Variants in COL4A5 observed in about 807,000 individuals in gnomAD.
The protein encoded by COL4A5 is collagen type IV alpha 5 chain, also known as collagen alpha-5(IV) chain.
A neutral mutation model predicts 130.2 loss-of-function variants in COL4A5; 26 were observed. The ratio of observed to expected loss-of-function variants is 0.20; its 90% CI spans 0.15 to 0.28. The LOEUF (loss-of-function observed/expected upper bound fraction) is 0.28, where lower values mean the gene tolerates loss of function less well. Ranked by LOEUF, COL4A5 falls within the 10% of genes least tolerant of loss-of-function variation. The probability of loss-of-function intolerance (pLI) is 1.00; values close to 1 mark genes in which losing one functional copy is unlikely to be tolerated. For missense variants in COL4A5, 1,131 were observed against 1,344.3 expected, an observed-to-expected ratio of 0.84 and a Z score of 2.48; for synonymous variants, 496 against 439.6, an observed-to-expected ratio of 1.13 and a Z score of -1.60.
intron 1 of COL4A5, among the ~76,000 whole-genome samples, chrX:108,467,462 A>T (rs909282395): frequency 9.0e-6 from 1 of 111,428 alleles, no homozygotes; most frequent in Non-Finnish European, 1.9e-5. Context: ...TACTTTTTCC[A>T]GATTGTTTTG....
In COL4A5 at chrX:108,439,853, G is replaced by A. The variant is rs934625092; in HGVS notation, c.-273G>A. 27 of 379,641 alleles carry A rather than the reference G, an allele frequency of 7.1e-5. No individual in the cohort carries two copies. The highest frequency in any genetic ancestry group is 1.1e-4 in the Non-Finnish European group (24 of 218,977). The allele number at this position is 379,641 out of a possible 1,213,427, so 31.3% of individuals were successfully genotyped here. On this transcript the variant is annotated 5_prime_UTR_variant, in exon 1 of 53. Coordinates refer to ENST00000328300, the MANE Select transcript of COL4A5 (RefSeq NM_033380.3). ...GGAGGAAAGTAGATCTGTAGGAATT[G>A]AGTGAAGAAAAAGTTTGCAAGTCTG... is the stretch of plus-strand genomic sequence containing the variant.
chrX:108,603,075 T>C lies in COL4A5; in HGVS notation c.2244+14T>C, dbSNP rs1001931929. 2 of 1,048,149 alleles carry C rather than the reference T, an allele frequency of 1.9e-6. No individual in the cohort carries two copies. The highest frequency in any genetic ancestry group is 2.6e-6 in the Non-Finnish European group (2 of 758,666). The allele number at this position is 1,048,149 out of a possible 1,213,427, so 86.4% of individuals were successfully genotyped here. A position where few individuals can be genotyped will look rare whatever the true frequency, so the allele number is the denominator to read the frequency against. ...CCAGGACCAAAGGTCTGGGACATTT[T>C]TCTTTATTCCTTCTCATTTTCTTAT... On this transcript the variant is annotated intron_variant, in intron 28 of 52. Transcript: ENST00000328300.
rs193078467 is a variant in COL4A5 at position 108,598,398 on chromosome X, T to A, written c.1780-304T>A. 2.7e-5 allele frequency among the ~76,000 whole-genome samples: 3 copies of A among 111,845 alleles called. No individual in the cohort carries two copies. In the Admixed American group the frequency reaches 2.8e-4, roughly 11 times the overall value. ...TTAGGTAGGAAGTGATATTTTATAA[T>A]GTTATCTAGACTATAACCTTTCTGA... On this transcript the variant is annotated intron_variant, in intron 24 of 52. Coordinates refer to ENST00000328300, the MANE Select transcript of COL4A5 (RefSeq NM_033380.3).
intron 2 of COL4A5, among the ~76,000 whole-genome samples, chrX:108,555,080 A>G (rs1219395854): frequency 8.9e-6 from 1 of 112,322 alleles, no homozygotes; most frequent in Non-Finnish European, 1.9e-5. Context: ...GATGAGATCA[A>G]GTTAACCAGT....
intron 16 of COL4A5, among the ~76,000 whole-genome samples, chrX:108,582,037 AAGAC>A (rs1490279857): frequency 9.0e-6 from 1 of 110,845 alleles, no homozygotes; most frequent in Non-Finnish European, 1.9e-5. Context: ...GAGTTTTTCA[AAGAC>A]AGAGAGAATA....
intron 2 of COL4A5, among the ~76,000 whole-genome samples, chrX:108,557,935 A>ATG (rs2065846956): frequency 1.8e-5 from 2 of 108,293 alleles, no homozygotes; most frequent in Non-Finnish European, 3.8e-5. Context: ...ATATATATAT[A>ATG]TATTTTGTAC....
At chrX:108,616,234 T>C (rs1029126325) in intron 30 of COL4A5, among the ~76,000 whole-genome samples, 1 of 110,021 alleles carries the variant, frequency 9.1e-6, no homozygotes, top group Non-Finnish European at 1.9e-5. Context: ...TTGTTGTTGT[T>C]GTTGTTTTTG....
intron 43 of COL4A5, among the ~76,000 whole-genome samples, chrX:108,675,080 T>C (rs1409622015): frequency 8.9e-6 from 1 of 111,735 alleles, no homozygotes; most frequent in Non-Finnish European, 1.9e-5. Flanking sequence ...TTGTAATCTC[T>C]GAATGTTGAT....
chrX:108,545,686 T>C (rs1209995495), intron 2 of COL4A5, among the ~76,000 whole-genome samples: 1 of 110,968 alleles, frequency 9.0e-6, no homozygotes, highest in Admixed American at 9.6e-5. Context: ...TCTTGTTGAT[T>C]TGTTTAATGT....
chrX:108,655,262 AATGTT>A (rs1007574228), intron 36 of COL4A5, 64 bp from the exon 37 acceptor site: 1 of 1,130,090 alleles, frequency 8.8e-7, no homozygotes, highest in African/African-American at 1.8e-5. Context: ...CTCTATAAAT[AATGTT>A]ATGTTCTTAT....
chrX:108,554,974 CAT>C (rs984581188), intron 2 of COL4A5, among the ~76,000 whole-genome samples: 5 of 112,535 alleles, frequency 4.4e-5, no homozygotes, highest in Admixed American at 1.9e-4. Flanking sequence ...GCTTTTAAAA[CAT>C]ATGTTTTTAA....
At position 108,662,759 on chromosome X, in the gene COL4A5, A is replaced by G. The variant is rs140265159; in HGVS notation, c.3374-2748A>G. Among the ~76,000 whole-genome samples, 177 of 112,313 alleles carry G rather than the reference A, an allele frequency of 1.6e-3. 1 individual carries two copies. In the East Asian group the frequency reaches 0.045, roughly 28 times the overall value. On this transcript the variant is annotated intron_variant, in intron 37 of 52. Transcript: ENST00000328300. Reference sequence around the variant, plus strand: ...CCATGCTCATGGATAGAAAGAATCAATATCATGAAAATGGCCATACTGCCC... The same window carrying G: ...CCATGCTCATGGATAGAAAGAATCAGTATCATGAAAATGGCCATACTGCCC...
chrX:108,622,289 C>T (rs761345423), intron 32 of COL4A5, among the ~76,000 whole-genome samples: 330 of 110,748 alleles, frequency 3.0e-3, no homozygotes, highest in African/African-American at 0.01. Flanking sequence ...CCACCACGCC[C>T]GGCTAATATT....
intron 43 of COL4A5, among the ~76,000 whole-genome samples, chrX:108,675,524 G>GT (rs959190127): frequency 6.3e-5 from 7 of 111,508 alleles, no homozygotes; most frequent in Middle Eastern, 4.6e-3. Flanking sequence ...CTGAAGTTCT[G>GT]TTTTTTTATT....
chrX:108,560,711 G>GTA (rs1387138975), intron 3 of COL4A5, among the ~76,000 whole-genome samples: 1 of 112,179 alleles, frequency 8.9e-6, no homozygotes, highest in Non-Finnish European at 1.9e-5. Context: ...TATTATGTAT[G>GTA]TTACATTGGT....
At chrX:108,563,711 T>C (rs1205010319) in intron 3 of COL4A5, among the ~76,000 whole-genome samples, 171 bp from the exon 4 acceptor site, 3 of 111,897 alleles carry the variant, frequency 2.7e-5, no homozygotes, top group African/African-American at 9.7e-5. Flanking sequence ...TCATACAATT[T>C]ACCTCAGTGC....
chrX:108,631,314 G>A lies in COL4A5; in HGVS notation c.3246+4965G>A, dbSNP rs56907839. ...ATGGAATGTTCTTCTATTTGTTTGT[G>A]TCCTCTTTCATTTCGTTGAGCAGTG... On this transcript the variant is annotated intron_variant, in intron 36 of 52. Transcript: ENST00000328300. Among the ~76,000 whole-genome samples the A allele has an allele frequency of 2.1e-3, 231 of 111,430 alleles. 2 individuals carry two copies. Among genetic ancestry groups the A allele is most frequent in the African/African-American group, 7.2e-3 (222 of 30,633 alleles).
intron 1 of COL4A5, among the ~76,000 whole-genome samples, chrX:108,447,319 G>T (rs756174341): frequency 9.0e-6 from 1 of 111,060 alleles, no homozygotes; most frequent in South Asian, 3.8e-4. Flanking sequence ...CCTCTTTTTA[G>T]AAAATTAAAC....
chrX:108,659,079 T>C (rs1235806021), intron 37 of COL4A5, among the ~76,000 whole-genome samples: 1 of 111,319 alleles, frequency 9.0e-6, no homozygotes, highest in Non-Finnish European at 1.9e-5. Context: ...CCCAGAAATT[T>C]TGTTCTTTTG....
Sources: gnomAD v4.1 joint callset for allele counts (sites outside exome capture counted in the v4.1 genomes callset) on GRCh38, gnomAD v4.1.1 for gene constraint, MANE v1.5 for transcripts, NCBI Gene and HGNC (gene_info 2026-07-23, HGNC 2026-07-21) for gene names.